DLGAP1: variants seen among roughly 807,000 people sequenced by gnomAD.
DLGAP1 encodes disks large-associated protein 1.
DLGAP1 carries 11 observed loss-of-function variants against 90.8 expected under a neutral mutation model. The ratio of observed to expected loss-of-function variants is 0.12; its 90% CI spans 0.08 to 0.20. DLGAP1 has a LOEUF of 0.20. DLGAP1 is among the 10% of genes least tolerant of loss of function. The pLI is 1.00. For missense variants in DLGAP1, 1,050 were observed against 1,333.8 expected, an observed-to-expected ratio of 0.79 and a Z score of 3.31; for synonymous variants, 558 against 540.7, an observed-to-expected ratio of 1.03 and a Z score of -0.44.
chr18:4,389,147 A>G (rs1165141747), intron 1 of DLGAP1, among the ~76,000 whole-genome samples: 2 of 152,192 alleles, frequency 1.3e-5, no homozygotes, highest in Non-Finnish European at 2.9e-5. Context: ...ACAAAATATG[A>G]TATATAGAAA....
chr18:4,046,226 T>A (rs2075051999), intron 2 of DLGAP1, among the ~76,000 whole-genome samples: 1 of 152,220 alleles, frequency 6.6e-6, no homozygotes, highest in Non-Finnish European at 1.5e-5. Context: ...TGGTTGGTTG[T>A]ACACTTGTTC....
At position 4,233,471 on chromosome 18, in the gene DLGAP1, A is replaced by G. The variant is rs2078340952; in HGVS notation, c.-266-82184T>C. On this transcript the variant is annotated intron_variant, in intron 1 of 12. Transcript: ENST00000315677. Reference sequence around the variant, plus strand: ...TTAGGGGGAGATTACCTCAGAGGTGAGGTGCCTTCTCATCACATAATATCA... The same window carrying G: ...TTAGGGGGAGATTACCTCAGAGGTGGGGTGCCTTCTCATCACATAATATCA... 2.0e-5 allele frequency among the ~76,000 whole-genome samples: 3 copies of G among 152,216 alleles called. No homozygotes were observed. The South Asian group carries it at 6.2e-4, about 32-fold the overall frequency.
chr18:4,421,394 C>T (rs1019180408), intron 1 of DLGAP1, among the ~76,000 whole-genome samples: 1 of 152,134 alleles, frequency 6.6e-6, no homozygotes, highest in African/African-American at 2.4e-5. Flanking sequence ...CCAGTGTAAA[C>T]CTCTTTTCAA....
intron 4 of DLGAP1, among the ~76,000 whole-genome samples, chr18:3,849,520 C>T (rs1168604740): frequency 6.6e-6 from 1 of 151,982 alleles, no homozygotes; most frequent in African/African-American, 2.4e-5. Flanking sequence ...ATTCCGCATG[C>T]CCTAGACTCC....
At chr18:3,779,051 G>T (rs28709126) in intron 5 of DLGAP1, among the ~76,000 whole-genome samples, 2,266 of 152,168 alleles carry the variant, frequency 0.015, 59 homozygotes, top group African/African-American at 0.051. Flanking sequence ...TCCTTTTCTT[G>T]ACCACCCGCA....
chr18:3,537,400 A>T (rs1381778366), intron 9 of DLGAP1, among the ~76,000 whole-genome samples: 2 of 152,190 alleles, frequency 1.3e-5, no homozygotes, highest in East Asian at 3.8e-4. Context: ...TCAACAGAAC[A>T]TCTTCAAAGT....
chr18:3,979,742 G>C (rs2073683635), intron 3 of DLGAP1, among the ~76,000 whole-genome samples: 1 of 152,160 alleles, frequency 6.6e-6, no homozygotes, highest in South Asian at 2.1e-4. Flanking sequence ...GAGATGACAG[G>C]TATGTTAATT....
At chr18:4,070,902 G>T (rs2075437636) in intron 2 of DLGAP1, among the ~76,000 whole-genome samples, 1 of 152,064 alleles carries the variant, frequency 6.6e-6, no homozygotes, top group African/African-American at 2.4e-5. Context: ...TTATTTCTCA[G>T]ATTTTAGTGG....
chr18:3,633,555 T>C (rs1216134772), intron 7 of DLGAP1, among the ~76,000 whole-genome samples: 1 of 152,210 alleles, frequency 6.6e-6, no homozygotes, highest in Non-Finnish European at 1.5e-5. Flanking sequence ...ATGTACAGTA[T>C]ATAAAAACTT....
chr18:4,421,285 C>T (rs1401702095), intron 1 of DLGAP1, among the ~76,000 whole-genome samples: 1 of 152,026 alleles, frequency 6.6e-6, no homozygotes, highest in African/African-American at 2.4e-5. Flanking sequence ...CTTCACTTCA[C>T]CTTCTCCTCT....
At chr18:4,038,405 A>T (rs2074923007) in intron 2 of DLGAP1, among the ~76,000 whole-genome samples, 1 of 152,224 alleles carries the variant, frequency 6.6e-6, no homozygotes, top group Non-Finnish European at 1.5e-5. Context: ...GACCCATTTC[A>T]TATTTCACAG....
chr18:3,535,753 C>T (rs1044079819), intron 9 of DLGAP1, among the ~76,000 whole-genome samples: 14 of 150,918 alleles, frequency 9.3e-5, no homozygotes, highest in Non-Finnish European at 1.5e-4. Context: ...GAAGAAAGGC[C>T]GTGCGCAGTG....
chr18:4,030,967 C>T (rs549178357), intron 2 of DLGAP1, among the ~76,000 whole-genome samples: 30 of 152,124 alleles, frequency 2.0e-4, no homozygotes, highest in African/African-American at 3.1e-4. Context: ...TTTTCACAAA[C>T]GGTAGCTGTT....
At chr18:3,880,202 T>C (rs973097703) in intron 3 of DLGAP1, 62 bp from the exon 4 acceptor site, 1 of 799,260 alleles carries the variant, frequency 1.3e-6, no homozygotes, top group Non-Finnish European at 2.0e-6. Context: ...GGTATTGCAC[T>C]TTACAGGGTC....
intron 2 of DLGAP1, among the ~76,000 whole-genome samples, chr18:4,065,422 C>T (rs1230294580): frequency 2.6e-5 from 4 of 151,942 alleles, no homozygotes; most frequent in Non-Finnish European, 4.4e-5. Flanking sequence ...TCTAGAAAAC[C>T]CCATAGTCTC....
intron 1 of DLGAP1, among the ~76,000 whole-genome samples, chr18:4,353,230 T>C (rs1273624480): frequency 6.6e-6 from 1 of 152,216 alleles, no homozygotes; most frequent in Non-Finnish European, 1.5e-5. Context: ...TGTTTTATCT[T>C]GTTCTTCCTT....
At chr18:4,118,902 G>C (rs760188842) in intron 2 of DLGAP1, among the ~76,000 whole-genome samples, 1 of 151,742 alleles carries the variant, frequency 6.6e-6, no homozygotes, top group Non-Finnish European at 1.5e-5. Context: ...CTGATAAATG[G>C]ATGTTTACTG....
rs755968243 is a variant in DLGAP1, at chr18:3,581,862, G to C, written c.1965+13C>G. The stretch of plus-strand genomic sequence containing the variant: ...AAGTTCCTATTTCAAAGGATAGAAA[G>C]GGAGGCTGTTACCTGTATCCCGATA... On this transcript the variant is annotated intron_variant, in intron 8 of 12. Coordinates refer to ENST00000315677, the MANE Select transcript of DLGAP1 (RefSeq NM_004746.4). 8.1e-6 allele frequency: 13 copies of C among 1,611,450 alleles called. No individual in the cohort carries two copies. In the Admixed American group the frequency reaches 2.2e-4, roughly 27 times the overall value.
chr18:4,452,293 A>G (rs1160367162), intron 1 of DLGAP1, among the ~76,000 whole-genome samples: 2 of 152,098 alleles, frequency 1.3e-5, no homozygotes, highest in African/African-American at 2.4e-5. Context: ...ATATTACGAG[A>G]TCAGAATCAA....
Sources: allele counts gnomAD v4.1 joint callset (sites outside exome capture counted in the v4.1 genomes callset), GRCh38; gene constraint gnomAD v4.1.1; transcripts MANE v1.5; gene names NCBI Gene and HGNC (gene_info 2026-07-23, HGNC 2026-07-21).